EPHA6: variants seen among roughly 807,000 people sequenced by gnomAD.
EPHA6 encodes EPH receptor A6.
Under a neutral mutation model 112.0 loss-of-function variants are expected in EPHA6, and 50 were observed. That is an observed-to-expected ratio of 0.45 (90% CI 0.36 to 0.56). The LOEUF (loss-of-function observed/expected upper bound fraction) is 0.56. EPHA6 is among the 20% of genes least tolerant of loss of function. The pLI is 0.00. For synonymous variants in EPHA6, 529 were observed against 490.7 expected, an observed-to-expected ratio of 1.08 and a Z score of -1.03; for missense variants, 1,280 against 1,417.4, an observed-to-expected ratio of 0.90 and a Z score of 1.56.
chr3:97,110,159 G>C (rs2047681029), intron 3 of EPHA6, among the ~76,000 whole-genome samples: 1 of 152,036 alleles, frequency 6.6e-6, no homozygotes, highest in African/African-American at 2.4e-5. Flanking sequence ...CTGTGAAAAA[G>C]ATGAAATTAT....
chr3:97,234,786 A>G (rs2078632963), intron 4 of EPHA6, among the ~76,000 whole-genome samples: 2 of 152,028 alleles, frequency 1.3e-5, no homozygotes, highest in African/African-American at 4.8e-5. Context: ...CATAATTTCA[A>G]ATGTCACCTG....
intron 2 of EPHA6, among the ~76,000 whole-genome samples, chr3:96,867,360 G>A (rs1473949057): frequency 1.3e-5 from 2 of 151,764 alleles, no homozygotes; most frequent in Admixed American, 6.6e-5. Flanking sequence ...TATACAAGGT[G>A]ATTAGGTTTT....
chr3:96,833,099 A>G (rs1291091126), intron 1 of EPHA6, among the ~76,000 whole-genome samples: 1 of 151,228 alleles, frequency 6.6e-6, no homozygotes, highest in East Asian at 2.0e-4. Flanking sequence ...CTTAACTCCT[A>G]GTGCCTCAGA....
chr3:96,938,165 G>A (rs2040711599), intron 2 of EPHA6, among the ~76,000 whole-genome samples: 1 of 152,018 alleles, frequency 6.6e-6, no homozygotes, highest in African/African-American at 2.4e-5. Flanking sequence ...GTAGCTTGAT[G>A]GGGATGGCAT....
At chr3:97,179,717 G>GTCTCTCTCTCTCTCTCTCTCTCTCTC (rs71113852) in intron 3 of EPHA6, among the ~76,000 whole-genome samples, 6 of 119,176 alleles carry the variant, frequency 5.0e-5, no homozygotes, top group Admixed American at 2.4e-4. Flanking sequence ...AACCTACAGA[G>GTCTCTCTCTCTCTCTCTCTCTCTCTC]TCTCTCTCTC....
intron 3 of EPHA6, among the ~76,000 whole-genome samples, chr3:97,107,131 A>G (rs1258364755): frequency 1.3e-5 from 2 of 152,132 alleles, no homozygotes; most frequent in Non-Finnish European, 2.9e-5. Flanking sequence ...TTCTATATAG[A>G]TTAATATTTT....
intron 3 of EPHA6, among the ~76,000 whole-genome samples, chr3:97,190,331 G>C (rs2077267836): frequency 6.6e-6 from 1 of 151,948 alleles, no homozygotes; most frequent in Admixed American, 6.6e-5. Context: ...CCAGTTTGTG[G>C]ACAATTAGTG....
chr3:97,288,189 A>G lies in EPHA6; in HGVS notation c.1606+43902A>G, dbSNP rs138911279. 4.7e-3 allele frequency among the ~76,000 whole-genome samples: 719 copies of G among 152,326 alleles called. 4 individuals are homozygous for G. The highest frequency in any genetic ancestry group is 0.014 in the Middle Eastern group (4 of 294). ...GTACAAATGATTCCTTCACCCAGGT[A>G]GTGAGCATAGCACCCAACAGGCAGT... On this transcript the variant is annotated intron_variant, in intron 5 of 17. Transcript: ENST00000389672.
chr3:97,621,983 T>A (rs2107505276), intron 13 of EPHA6, among the ~76,000 whole-genome samples: 1 of 151,960 alleles, frequency 6.6e-6, no homozygotes, highest in African/African-American at 2.4e-5. Context: ...AAGCAATAAA[T>A]CAAATGCTAG....
chr3:97,398,810 A>T (rs145214371), intron 5 of EPHA6, among the ~76,000 whole-genome samples: 410 of 151,436 alleles, frequency 2.7e-3, no homozygotes, highest in African/African-American at 9.3e-3. Context: ...TTGCCTCATG[A>T]ATTCTTTTTT....
intron 3 of EPHA6, among the ~76,000 whole-genome samples, chr3:97,095,568 G>A (rs1166506679): frequency 6.6e-6 from 1 of 151,892 alleles, no homozygotes; most frequent in Non-Finnish European, 1.5e-5. Context: ...TCAGACTAAT[G>A]AAATTCCTGA....
chr3:97,646,371 C>G, intron 14 of EPHA6: 1 of 1,143,734 alleles, frequency 8.7e-7, no homozygotes, highest in Non-Finnish European at 1.2e-6. Flanking sequence ...ACAGTATTGT[C>G]CACATTTCAA....
chr3:97,028,648 T>C (rs1240714997), intron 3 of EPHA6, among the ~76,000 whole-genome samples: 2 of 152,052 alleles, frequency 1.3e-5, no homozygotes, highest in Admixed American at 1.3e-4. Flanking sequence ...ATGGTGATGA[T>C]TTTTCAGTTT....
chr3:97,111,631 T>C (rs1245754502), intron 3 of EPHA6, among the ~76,000 whole-genome samples: 1 of 152,172 alleles, frequency 6.6e-6, no homozygotes, highest in African/African-American at 2.4e-5. Flanking sequence ...CTTATTTATA[T>C]TATTGTAACA....
chr3:97,660,315 G>A (rs572748206), intron 14 of EPHA6, among the ~76,000 whole-genome samples: 1 of 152,134 alleles, frequency 6.6e-6, no homozygotes, highest in East Asian at 1.9e-4. Flanking sequence ...TCTAATGAAA[G>A]TTTTTAAAAA....
At chr3:97,643,374 C>T (rs2094027484) in intron 14 of EPHA6, among the ~76,000 whole-genome samples, 1 of 152,186 alleles carries the variant, frequency 6.6e-6, no homozygotes, top group African/African-American at 2.4e-5. Flanking sequence ...TAGGAAGAAA[C>T]TGCATCAACT....
intron 3 of EPHA6, among the ~76,000 whole-genome samples, chr3:96,989,732 G>A (rs369420134): frequency 1.3e-5 from 2 of 152,046 alleles, no homozygotes; most frequent in African/African-American, 2.4e-5. Context: ...GAGAGAGAGT[G>A]AAAGGGGAAA....
At chr3:97,642,154 T>C (rs2094013324) in intron 14 of EPHA6, among the ~76,000 whole-genome samples, 2 of 121,736 alleles carry the variant, frequency 1.6e-5, no homozygotes, top group African/African-American at 3.1e-5. Context: ...GCAGCCTAAC[T>C]GGGAGGCACC....
intron 15 of EPHA6, 145 bp downstream of exon 15, chr3:97,720,555 G>T: frequency 1.6e-6 from 1 of 642,484 alleles, no homozygotes; most frequent in Non-Finnish European, 2.4e-6. Context: ...GAGAAGCTGA[G>T]TAACCTTTCA....
Sources: gnomAD v4.1 joint callset for allele counts (sites outside exome capture counted in the v4.1 genomes callset) on GRCh38, gnomAD v4.1.1 for gene constraint, MANE v1.5 for transcripts, NCBI Gene and HGNC (gene_info 2026-07-23, HGNC 2026-07-21) for gene names.